EPS15: variants seen among roughly 807,000 people sequenced by gnomAD.
EPS15 encodes the protein epidermal growth factor receptor pathway substrate 15.
Under a neutral mutation model 113.8 loss-of-function variants are expected in EPS15, and 72 were observed. The ratio of observed to expected loss-of-function variants is 0.63; its 90% confidence interval spans 0.52 to 0.77. EPS15 has a LOEUF of 0.77. Among genes scored for constraint, EPS15 ranks in the 30% least tolerant of loss-of-function variants. The pLI, the probability that EPS15 is intolerant of heterozygous loss-of-function variation, is 0.00. For synonymous variants in EPS15, 344 were observed against 363.4 expected (o/e 0.95, Z 0.61); for missense variants, 1,048 against 1,045.8 (o/e 1.00, Z -0.03).
rs747880001 is a variant in EPS15 at position 51,394,388 on chromosome 1, G to A, written c.2112C>T (p.Ser704=). ...GATAAATTATTTATTTACCTGAATC[G>A]CTTGCTGCAACAACTGTTCCACCAG... is the stretch of plus-strand genomic sequence containing the variant. ...FAPGGTVVAA[S]DSATDPFASV... Residue 704 remains serine (S), a synonymous_variant, in exon 21 of 25, where the codon AGC becomes AGT. Coordinates refer to ENST00000371733, the MANE Select transcript of EPS15 (RefSeq NM_001981.3). 2.9e-5 allele frequency: 46 copies of A among 1,590,224 alleles called. No homozygotes were observed. The highest frequency in any genetic ancestry group is 3.7e-5 in the Non-Finnish European group (43 of 1,164,282).
intron 24 of EPS15, among the ~76,000 whole-genome samples, chr1:51,357,426 A>ATATATTTTTT (rs1443627608): frequency 5.6e-5 from 3 of 53,526 alleles, no homozygotes; most frequent in African/African-American, 2.9e-4. Flanking sequence ...ATATATATAT[A>ATATATTTTTT]TTTTTTTTTT....
At chr1:51,509,549 G>A (rs1430394134) in intron 1 of EPS15, among the ~76,000 whole-genome samples, 1 of 152,110 alleles carries the variant, frequency 6.6e-6, no homozygotes, top group African/African-American at 2.4e-5. Context: ...ATTTTATAGG[G>A]AGTCTCTGAT....
At chr1:51,387,531 G>A (rs1647118158) in intron 21 of EPS15, among the ~76,000 whole-genome samples, 1 of 152,166 alleles carries the variant, frequency 6.6e-6, no homozygotes, top group South Asian at 2.1e-4. Flanking sequence ...TGGCAAGTTG[G>A]ATAAAGAGTC....
At chr1:51,435,858 T>C (rs2148468592) in intron 12 of EPS15, among the ~76,000 whole-genome samples, 2 of 152,294 alleles carry the variant, frequency 1.3e-5, no homozygotes, top group East Asian at 3.9e-4. Context: ...GAAGATTTCA[T>C]GGAAGGCTTG....
chr1:51,499,500 T>C lies in EPS15; in HGVS notation c.34-18186A>G, dbSNP rs567124170. Among the ~76,000 whole-genome samples the C allele has an allele frequency of 2.6e-4, 40 of 152,296 alleles. No homozygotes were observed. The Middle Eastern group carries it at 0.01, about 39-fold the overall frequency. ...TCTGAGTAGACAGCTGGGAGTGGAATTGCTGAACCATTTATTTTGAATTTT... is the reference window on the plus strand; with the variant it reads ...TCTGAGTAGACAGCTGGGAGTGGAACTGCTGAACCATTTATTTTGAATTTT... On this transcript the variant is annotated intron_variant, in intron 1 of 24. Transcript: ENST00000371733.
In EPS15 at chr1:51,471,670, T is replaced by C. The variant is rs1280733616; in HGVS notation, c.213+20A>G. 3 of 1,578,618 alleles carry C rather than the reference T, an allele frequency of 1.9e-6. No individual in the cohort carries two copies. Among genetic ancestry groups the C allele is most frequent in the African/African-American group, 1.4e-5 (1 of 73,804 alleles). On this transcript the variant is annotated intron_variant, in intron 4 of 24. Coordinates refer to ENST00000371733, the MANE Select transcript of EPS15 (RefSeq NM_001981.3). ...TTTGAATCACTCAAAAAAAAAATCA[T>C]ATGAATATCTGAAACTTACTTGTTT... is the stretch of plus-strand genomic sequence containing the variant.
chr1:51,368,004 C>T (rs1570096527), intron 21 of EPS15, among the ~76,000 whole-genome samples: 1 of 152,046 alleles, frequency 6.6e-6, no homozygotes, highest in East Asian at 1.9e-4. Context: ...TGGTGGCACA[C>T]GCCTGTAATC....
Position 51,446,978 on chromosome 1 carries a change from G to C in EPS15, c.779C>G (p.Thr260Ser), listed in dbSNP as rs1653109453. ...GTCTTACCATATATGGGCTAGTAAG[G>C]TAGAAGGTAAACCTGTTTTCAAGAA... ...EIFLKTGLPS[T>S]LLAHIWSLCD... The change falls in exon 10 of 25, where the codon ACC (threonine) becomes AGC (serine). Residue 260 changes from threonine to serine, a missense_variant. Coordinates refer to ENST00000371733, the MANE Select transcript of EPS15 (RefSeq NM_001981.3). 1 of 1,612,660 alleles carries C rather than the reference G, an allele frequency of 6.2e-7. No homozygotes were observed.
chr1:51,419,062 T>A (rs1468996580), intron 13 of EPS15, among the ~76,000 whole-genome samples: 2 of 152,176 alleles, frequency 1.3e-5, no homozygotes, highest in Non-Finnish European at 2.9e-5. Context: ...AGGAAGAATG[T>A]GAGCCTACTT....
chr1:51,362,854 A>G (rs967339510), intron 23 of EPS15, among the ~76,000 whole-genome samples: 10 of 152,246 alleles, frequency 6.6e-5, no homozygotes, highest in Non-Finnish European at 1.3e-4. Context: ...CCCCAACAGC[A>G]CTACAACTAC....
chr1:51,376,301 G>C (rs1285231828), intron 21 of EPS15, among the ~76,000 whole-genome samples: 3 of 152,198 alleles, frequency 2.0e-5, no homozygotes, highest in Non-Finnish European at 4.4e-5. Context: ...AGCTGTTTAT[G>C]GCATGTTTTA....
At chr1:51,448,631 C>T (rs1396101164) in intron 8 of EPS15, among the ~76,000 whole-genome samples, 1 of 152,164 alleles carries the variant, frequency 6.6e-6, no homozygotes, top group African/African-American at 2.4e-5. Context: ...ATACCATTTT[C>T]TACCTAATTG....
At chr1:51,378,686 A>C (rs1002720) in intron 21 of EPS15, among the ~76,000 whole-genome samples, 4,577 of 152,336 alleles carry the variant, frequency 0.03, 73 homozygotes, top group African/African-American at 0.05. Flanking sequence ...AATACATATA[A>C]TTAACGAGAT....
At chr1:51,426,817 GTC>G (rs35528783) in intron 12 of EPS15, among the ~76,000 whole-genome samples, 303 of 145,716 alleles carry the variant, frequency 2.1e-3, no homozygotes, top group African/African-American at 6.1e-3. Flanking sequence ...AAATAAATCT[GTC>G]TCTCTCTCTC....
chr1:51,415,057 T>A (rs1485850136), intron 13 of EPS15, among the ~76,000 whole-genome samples: 1 of 152,194 alleles, frequency 6.6e-6, no homozygotes, highest in Non-Finnish European at 1.5e-5. Context: ...ATATAAAATA[T>A]AAAAATACCA....
chr1:51,501,730 C>T lies in EPS15; in HGVS notation c.33+17469G>A, dbSNP rs151180974. 8.2e-3 allele frequency among the ~76,000 whole-genome samples: 1,250 copies of T among 152,180 alleles called. 16 individuals carry two copies. The highest frequency in any genetic ancestry group is 0.029 in the African/African-American group (1,201 of 41,514). On this transcript the variant is annotated intron_variant, in intron 1 of 24. Transcript: ENST00000371733. ...CTGATCTCAGGTGATCCACCCTCCT[C>T]GGCCTCCCAAAGTGCTGGGATTACA... is the stretch of plus-strand genomic sequence containing the variant.
chr1:51,421,363 G>A (rs1650734783), intron 13 of EPS15, among the ~76,000 whole-genome samples: 1 of 151,928 alleles, frequency 6.6e-6, no homozygotes, highest in African/African-American at 2.4e-5. Context: ...TAACATACTA[G>A]GTCTCCTAGC....
chr1:51,357,460 A>ATC (rs1646265098), intron 24 of EPS15, among the ~76,000 whole-genome samples: 1 of 132,254 alleles, frequency 7.6e-6, no homozygotes, highest in Non-Finnish European at 1.6e-5. Flanking sequence ...ATATATATAT[A>ATC]TATCTCACTA....
At chr1:51,448,022 C>A in intron 9 of EPS15, 24 bp downstream of exon 9, 3 of 1,609,302 alleles carry the variant, frequency 1.9e-6, no homozygotes, top group Non-Finnish European at 2.5e-6. Flanking sequence ...AGGGGATCAA[C>A]CGCACAGAGC....
Sources: allele counts gnomAD v4.1 joint callset (sites outside exome capture counted in the v4.1 genomes callset), GRCh38; gene constraint gnomAD v4.1.1; transcripts MANE v1.5; gene names NCBI Gene and HGNC (gene_info 2026-07-23, HGNC 2026-07-21).